Variants in CCPG1 observed in about 807,000 individuals in gnomAD.
CCPG1 encodes the protein cell cycle progression 1.
In CCPG1, 46 loss-of-function variants were observed where a neutral mutation model predicts 81.3. The observed-to-expected ratio is 0.57, with a 90% CI of 0.45 to 0.72. The LOEUF is 0.72. Among genes scored for constraint, CCPG1 ranks in the 30% least tolerant of loss-of-function variants. The pLI, the probability that CCPG1 is intolerant of heterozygous loss-of-function variation, is 0.00. For synonymous variants in CCPG1, 330 were observed against 305.2 expected (o/e 1.08, Z -0.85); for missense variants, 902 against 937.6 (o/e 0.96, Z 0.50).
chr15:55,404,656 G>C (rs1340879199), intron 1 of CCPG1, among the ~76,000 whole-genome samples: 1 of 152,208 alleles, frequency 6.6e-6, no homozygotes, highest in Non-Finnish European at 1.5e-5. Flanking sequence ...GTACAGGCCA[G>C]ACATGGAGCT....
intron 5 of CCPG1, 35 bp from the exon 6 acceptor site, chr15:55,372,079 A>C (rs543245760): frequency 1.3e-6 from 2 of 1,587,248 alleles, no homozygotes; most frequent in Non-Finnish European, 8.6e-7. Context: ...AGCTATTCAA[A>C]ATCTTGGAAA....
intron 1 of CCPG1, among the ~76,000 whole-genome samples, chr15:55,392,683 A>C (rs568653639): frequency 1.5e-4 from 23 of 152,038 alleles, no homozygotes; most frequent in Non-Finnish European, 2.9e-4. Context: ...ACCATGCCTA[A>C]TATTTGTATT....
At position 55,361,085 on chromosome 15, in the gene CCPG1, A is replaced by G. The variant is rs1211933185; in HGVS notation, c.829-141T>C. ...CCCCCCGGGTAGTATTTTCAATAGT[A>G]TAAACATTGGGAAATACAAGGTTCA... On this transcript the variant is annotated intron_variant, in intron 7 of 8. Transcript: ENST00000442196. The G allele has an allele frequency of 4.8e-5, 43 of 891,390 alleles. No homozygotes were observed. The East Asian group carries it at 1.3e-3, about 26-fold the overall frequency. 55.2% of individuals were successfully genotyped at this position (891,390 alleles called of 1,614,324 possible).
chr15:55,387,773 G>A (rs72744104), intron 2 of CCPG1, among the ~76,000 whole-genome samples: 5 of 149,028 alleles, frequency 3.4e-5, no homozygotes, highest in Non-Finnish European at 5.9e-5. Flanking sequence ...TCGAACTCCC[G>A]ACCTCAGTGA....
chr15:55,362,424 G>A (rs1270616422), intron 7 of CCPG1, among the ~76,000 whole-genome samples: 1 of 151,912 alleles, frequency 6.6e-6, no homozygotes, highest in East Asian at 1.9e-4. Context: ...TTCACGTTCT[G>A]GCTCATTAAT....
At chr15:55,356,879 C>G (rs2056088825) in intron 8 of CCPG1, 1 of 986,060 alleles carries the variant, frequency 1.0e-6, no homozygotes, top group Non-Finnish European at 1.2e-6. Context: ...GTCACTACTT[C>G]ACTGGAAGTC....
In CCPG1 at chr15:55,381,601, A is replaced by T. The variant is rs528957722; in HGVS notation, c.176-3225T>A. 4.6e-5 allele frequency among the ~76,000 whole-genome samples: 7 copies of T among 152,370 alleles called. No homozygotes were observed. The East Asian group carries it at 7.7e-4, about 17-fold the overall frequency. On this transcript the variant is annotated intron_variant, in intron 3 of 8. Transcript: ENST00000442196. ...AGTAATAATCAACGTGTAGGCTTAA[A>T]AAAATTAACAGCTATAATCTCTTCT...
At chr15:55,371,735 C>G in intron 6 of CCPG1, 58 bp downstream of exon 6, 1 of 1,539,014 alleles carries the variant, frequency 6.5e-7, no homozygotes, top group Non-Finnish European at 8.9e-7. Flanking sequence ...AGTCCTCACT[C>G]TTAAGTTCCT....
In CCPG1 at chr15:55,360,801, T is replaced by A. The variant is rs557237646; in HGVS notation, c.972A>T (p.Leu324Phe). The change falls in exon 8 of 9, where the codon TTA becomes TTT. Residue 324 changes from leucine (L) to phenylalanine (F), a missense_variant. Leu to Phe is a conservative substitution (Grantham distance 22). This residue lies in a region of CCPG1 where 746 missense variants were observed against 728.6 expected (regional missense o/e 1.02). Transcript: ENST00000442196. ...LEKEEKALSS[L>F]QEELNKLREQ... ...CTCTTAGTTTGTTTAACTCTTCCTG[T>A]AATGAGGATAAGGCTTTTTCTTCCT... is the stretch of plus-strand genomic sequence containing the variant. 5.5e-5 allele frequency: 88 copies of A among 1,612,814 alleles called. No individual in the cohort carries two copies. The highest frequency in any genetic ancestry group is 7.4e-5 in the Non-Finnish European group (87 of 1,179,420).
At chr15:55,398,905 T>C (rs1179144544) in intron 1 of CCPG1, among the ~76,000 whole-genome samples, 1 of 152,142 alleles carries the variant, frequency 6.6e-6, no homozygotes, top group Non-Finnish European at 1.5e-5. Flanking sequence ...AGGCTACTTT[T>C]TGTCTAATAA....
intron 8 of CCPG1, chr15:55,357,077 TCTGATAAATATAC>T: frequency 1.0e-6 from 1 of 985,232 alleles, no homozygotes; most frequent in Non-Finnish European, 1.2e-6. Flanking sequence ...CTCCCAGGAG[TCTGATAAATATAC>T]AGTCTCGGCA....
At chr15:55,364,365 G>C (rs1188483345) in intron 7 of CCPG1, among the ~76,000 whole-genome samples, 3 of 150,110 alleles carry the variant, frequency 2.0e-5, no homozygotes, top group African/African-American at 4.9e-5. Flanking sequence ...AGATCTTAGA[G>C]AGGCTATAAA....
At position 55,397,764 on chromosome 15, in the gene CCPG1, G is replaced by A. The variant is rs539271472; in HGVS notation, c.-9-8331C>T. 6.5e-4 allele frequency among the ~76,000 whole-genome samples: 99 copies of A among 152,260 alleles called. 1 individual carries two copies. Among genetic ancestry groups the A allele is most frequent in the Non-Finnish European group, 1.2e-3 (82 of 68,024 alleles). ...GGCCGAGGTGGGCAGATCACTTGACGTAAGGAGTTCATGACCAGCCTGACC... is the reference window on the plus strand; with the variant it reads ...GGCCGAGGTGGGCAGATCACTTGACATAAGGAGTTCATGACCAGCCTGACC... On this transcript the variant is annotated intron_variant, in intron 1 of 8. Transcript: ENST00000442196.
intron 7 of CCPG1, among the ~76,000 whole-genome samples, chr15:55,362,273 G>A (rs543251212): frequency 2.7e-5 from 4 of 149,316 alleles, no homozygotes; most frequent in South Asian, 4.2e-4. Context: ...TATCACAAAC[G>A]TTATGGTTAC....
chr15:55,369,068 T>C (rs1462601439), intron 6 of CCPG1, among the ~76,000 whole-genome samples: 1 of 151,812 alleles, frequency 6.6e-6, no homozygotes, highest in Non-Finnish European at 1.5e-5. Flanking sequence ...GCCAAGATCA[T>C]ACCACTGCAC....
rs1403933878 is a variant in CCPG1, at chr15:55,360,496, A to G, written c.1277T>C (p.Ile426Thr). ...NVYTEKKEIAILRERLTELER... is the reference protein window; with the variant it reads ...NVYTEKKEIATLRERLTELER... ...CAGCTCAGTGAGTCTTTCCCGTAAG[A>G]TTGCTATTTCCTTTTTTTCAGTATA... is the stretch of plus-strand genomic sequence containing the variant. Residue 426 changes from isoleucine to threonine, a missense_variant, in exon 8 of 9, where the codon ATC (isoleucine) becomes ACC (threonine). Coordinates refer to ENST00000442196, the MANE Select transcript of CCPG1 (RefSeq NM_001204450.2). The G allele has an allele frequency of 6.2e-7, 1 of 1,613,996 alleles. No individual in the cohort carries two copies. The highest frequency in any genetic ancestry group is 8.5e-7 in the Non-Finnish European group (1 of 1,180,012).
In CCPG1 at chr15:55,359,844, A is replaced by C; in HGVS notation, c.1929T>G (p.Leu643=). 12 of 1,613,646 alleles carry C rather than the reference A, an allele frequency of 7.4e-6. No homozygotes were observed. The highest frequency in any genetic ancestry group is 1.0e-5 in the Non-Finnish European group (12 of 1,179,904). Residue 643 remains leucine (L), a synonymous_variant, in exon 8 of 9, where the codon CTT becomes CTG. Coordinates refer to ENST00000442196, the MANE Select transcript of CCPG1 (RefSeq NM_001204450.2). ...FDCAQQESMS[L]FNTVVNPIRM... is the part of the protein sequence containing the mutation. ...TTATAGGATTCACCACTGTGTTAAA[A>C]AGGCTCATGGACTCTTGTTGAGCAC...
rs553054377 is a variant in CCPG1, at chr15:55,403,325, T to TAC, written c.-10+4894_-10+4895dup. Reference sequence around the variant, plus strand: ...CTGATTTCCAACCTAATGCTCTTTTTACATTTCAACATGCTGGCAATATGA... The same window carrying TAC: ...CTGATTTCCAACCTAATGCTCTTTTTACACATTTCAACATGCTGGCAATATGA... On this transcript the variant is annotated intron_variant, in intron 1 of 8. Coordinates refer to ENST00000442196, the MANE Select transcript of CCPG1 (RefSeq NM_001204450.2). 3.0e-3 allele frequency among the ~76,000 whole-genome samples: 460 copies of TAC among 152,256 alleles called. 5 individuals carry two copies. The highest frequency in any genetic ancestry group is 0.011 in the African/African-American group (448 of 41,526).
At chr15:55,400,665 C>T (rs896622771) in intron 1 of CCPG1, among the ~76,000 whole-genome samples, 1 of 152,212 alleles carries the variant, frequency 6.6e-6, no homozygotes, top group African/African-American at 2.4e-5. Context: ...GTACCTATTT[C>T]TCCACAATCC....
Sources: gnomAD v4.1 joint callset for allele counts (sites outside exome capture counted in the v4.1 genomes callset) on GRCh38, gnomAD v4.1.1 for gene constraint, gnomAD v4.1.1 regional missense constraint, MANE v1.5 for transcripts, NCBI Gene and HGNC (gene_info 2026-07-23, HGNC 2026-07-21) for gene names.